Variants in MTFR1 observed in about 807,000 individuals in gnomAD.
MTFR1 encodes chondrocyte protein with a poly-proline region.
In MTFR1, 28 loss-of-function variants were observed where a neutral mutation model predicts 38.8. The ratio of observed to expected loss-of-function variants is 0.72; its 90% CI spans 0.53 to 0.99. The LOEUF (loss-of-function observed/expected upper bound fraction) is 0.99. Ranked by LOEUF, MTFR1 falls within the 50% of genes least tolerant of loss-of-function variation. The pLI, the probability that MTFR1 is intolerant of heterozygous loss-of-function variation, is 0.00. For missense variants in MTFR1, 358 were observed against 395.5 expected (o/e 0.91, Z 0.81); for synonymous variants, 145 against 137.0 (o/e 1.06, Z -0.41).
chr8:65,752,646 AT>A (rs1281510648), intron 3 of MTFR1, among the ~76,000 whole-genome samples: 1 of 152,098 alleles, frequency 6.6e-6, no homozygotes, highest in Non-Finnish European at 1.5e-5. Context: ...ATTCTGGGTC[AT>A]TTTTGCCTGG....
At chr8:65,655,447 G>C (rs574404640) in intron 1 of MTFR1, among the ~76,000 whole-genome samples, 18 of 152,254 alleles carry the variant, frequency 1.2e-4, no homozygotes, top group African/African-American at 3.8e-4. Context: ...GTCCGATCCT[G>C]TGCTGGTACT....
At chr8:65,683,721 CT>C (rs1191747265) in intron 3 of MTFR1, among the ~76,000 whole-genome samples, 13 of 148,048 alleles carry the variant, frequency 8.8e-5, no homozygotes, top group African/African-American at 5.0e-5. Context: ...GTTTCTTTTT[CT>C]TTTTTTTTTG....
intron 1 of MTFR1, among the ~76,000 whole-genome samples, chr8:65,660,031 T>G (rs1315447040): frequency 6.6e-6 from 1 of 152,192 alleles, no homozygotes; most frequent in Non-Finnish European, 1.5e-5. Flanking sequence ...GGCTCACGCC[T>G]GTAATCCCAG....
downstream of MTFR1, among the ~76,000 whole-genome samples, chr8:65,775,281 GT>G (rs1809227826): frequency 6.6e-6 from 1 of 151,988 alleles, no homozygotes; most frequent in Non-Finnish European, 1.5e-5. Context: ...ATTGATTGCT[GT>G]TTTTTATCTT....
intron 4 of MTFR1, among the ~76,000 whole-genome samples, chr8:65,703,418 G>GGTTTTTTTTT: frequency 1.2e-5 from 1 of 84,740 alleles, no homozygotes; most frequent in African/African-American, 5.4e-5. Flanking sequence ...TGATGTCTCT[G>GGTTTTTTTTT]GTTTTTTTTT....
intron 3 of MTFR1, among the ~76,000 whole-genome samples, chr8:65,737,920 T>C (rs1014788581): frequency 6.6e-6 from 1 of 152,232 alleles, no homozygotes; most frequent in African/African-American, 2.4e-5. Context: ...CCTGAATAAT[T>C]TGTAATTTCT....
intron 1 of MTFR1, among the ~76,000 whole-genome samples, chr8:65,668,372 G>A (rs1370436402): frequency 2.7e-5 from 4 of 145,784 alleles, no homozygotes; most frequent in Admixed American, 2.1e-4. Context: ...ACTTTTAATA[G>A]AGATGGGATT....
At chr8:65,649,694 G>A (rs758004981) in intron 1 of MTFR1, among the ~76,000 whole-genome samples, 14 of 152,000 alleles carry the variant, frequency 9.2e-5, no homozygotes, top group Admixed American at 8.5e-4. Context: ...ATAAATTATT[G>A]TTGGCTATAG....
intron 3 of MTFR1, among the ~76,000 whole-genome samples, chr8:65,755,576 A>G (rs1808191283): frequency 1.3e-5 from 2 of 152,186 alleles, no homozygotes; most frequent in South Asian, 2.1e-4. Flanking sequence ...ACATCTTTAT[A>G]TGTGTGTGCC....
At chr8:65,661,198 G>C (rs1809405047) in intron 1 of MTFR1, among the ~76,000 whole-genome samples, 1 of 152,158 alleles carries the variant, frequency 6.6e-6, no homozygotes, top group African/African-American at 2.4e-5. Flanking sequence ...AAAGTGTACT[G>C]TTAGGTAAAC....
At chr8:65,738,306 C>T (rs1807242665) in intron 3 of MTFR1, among the ~76,000 whole-genome samples, 1 of 152,136 alleles carries the variant, frequency 6.6e-6, no homozygotes, top group African/African-American at 2.4e-5. Flanking sequence ...ATCTCTTGAT[C>T]TGGGCACTAT....
intron 1 of MTFR1, among the ~76,000 whole-genome samples, chr8:65,666,668 G>A (rs1804390313): frequency 6.6e-6 from 1 of 152,084 alleles, no homozygotes; most frequent in Non-Finnish European, 1.5e-5. Context: ...TATATGTAAT[G>A]ACTTAATAAG....
At chr8:65,653,100 CAGAT>C (rs1809164180) in intron 1 of MTFR1, among the ~76,000 whole-genome samples, 1 of 152,142 alleles carries the variant, frequency 6.6e-6, no homozygotes, top group African/African-American at 2.4e-5. Flanking sequence ...TGTTTTGGCT[CAGAT>C]AGGGAGTACA....
rs1805874200 is a variant in MTFR1, at chr8:65,709,244, CACA to C, written c.*204_*206del. The C allele has an allele frequency of 1.8e-6, 1 of 552,666 alleles. No homozygotes were observed. Among genetic ancestry groups the C allele is most frequent in the Non-Finnish European group, 3.2e-6 (1 of 308,106 alleles). 34.2% of individuals were successfully genotyped at this position (552,666 alleles called of 1,614,324 possible). On this transcript the variant is annotated 3_prime_UTR_variant, in exon 8 of 8. Coordinates refer to ENST00000262146, the MANE Select transcript of MTFR1 (RefSeq NM_014637.4). ...TGAGATGGTCAGCTTTGGTGCTCTCCACAACATGTGTGTTCTGACATGTTTCTA... is the reference window on the plus strand; with the variant it reads ...TGAGATGGTCAGCTTTGGTGCTCTCCACATGTGTGTTCTGACATGTTTCTA...
chr8:65,681,671 G>GTTTTTTTTTTTTTTTTTTTTTTTT (rs200580429), intron 2 of MTFR1, among the ~76,000 whole-genome samples: 1 of 108,370 alleles, frequency 9.2e-6, no homozygotes, highest in Non-Finnish European at 2.0e-5. Context: ...TGTTGTTTTT[G>GTTTTTTTTTTTTTTTTTTTTTTTT]TTTTTTTTTT....
chr8:65,737,071 G>A (rs1807171446), intron 3 of MTFR1, among the ~76,000 whole-genome samples: 1 of 151,838 alleles, frequency 6.6e-6, no homozygotes, highest in African/African-American at 2.4e-5. Flanking sequence ...TCATGCCACT[G>A]CATTCCAGCC....
chr8:65,756,161 A>G (rs1390101205), intron 3 of MTFR1, among the ~76,000 whole-genome samples: 1 of 152,196 alleles, frequency 6.6e-6, no homozygotes, highest in African/African-American at 2.4e-5. Context: ...CTTGTACAAG[A>G]CAAGTTGCTT....
At chr8:65,687,712 A>G (rs1385841294) in intron 3 of MTFR1, among the ~76,000 whole-genome samples, 1 of 152,134 alleles carries the variant, frequency 6.6e-6, no homozygotes, top group Non-Finnish European at 1.5e-5. Context: ...AGAATATTGA[A>G]TTTAGTGTTC....
At chr8:65,710,992 G>T (rs57516975), downstream of MTFR1, among the ~76,000 whole-genome samples, 98,998 of 139,010 alleles carry the variant, frequency 0.71, 33,826 homozygotes, top group Non-Finnish European at 0.77. Flanking sequence ...TATATATATA[G>T]AGAGAGAGAG....
Sources: gnomAD v4.1 joint callset for allele counts (sites outside exome capture counted in the v4.1 genomes callset) on GRCh38, gnomAD v4.1.1 for gene constraint, MANE v1.5 for transcripts, NCBI Gene and HGNC (gene_info 2026-07-23, HGNC 2026-07-21) for gene names.